The following RBFOX1 variants were observed in gnomAD, a reference collection of about 807,000 sequenced individuals.
RBFOX1 encodes RNA binding protein fox-1 homolog 1.
Under a neutral mutation model 57.7 loss-of-function variants are expected in RBFOX1, and 8 were observed. That is an observed-to-expected ratio of 0.14 (90% CI 0.08 to 0.25). The LOEUF (loss-of-function observed/expected upper bound fraction) is 0.25, where lower values mean the gene tolerates loss of function less well. Among genes scored for constraint, RBFOX1 ranks in the 10% least tolerant of loss-of-function variants. RBFOX1 has a pLI of 1.00. For missense variants in RBFOX1, 611 were observed against 548.5 expected, an observed-to-expected ratio of 1.11 and a Z score of -1.14; for synonymous variants, 326 against 222.4, an observed-to-expected ratio of 1.47 and a Z score of -4.15.
At chr16:7,391,372 A>C (rs1010853385) in intron 4 of RBFOX1, among the ~76,000 whole-genome samples, 1 of 152,178 alleles carries the variant, frequency 6.6e-6, no homozygotes, top group African/African-American at 2.4e-5. Context: ...CTCCAAGGAT[A>C]CCAATTATAG....
intron 4 of RBFOX1, among the ~76,000 whole-genome samples, chr16:7,074,984 A>G (rs1285604675): frequency 1.3e-5 from 2 of 152,176 alleles, no homozygotes; most frequent in East Asian, 3.9e-4. Context: ...GTAGAATCAA[A>G]GGGAAGTCAA....
At chr16:6,993,974 G>C (rs2091901706) in intron 3 of RBFOX1, among the ~76,000 whole-genome samples, 1 of 152,320 alleles carries the variant, frequency 6.6e-6, no homozygotes, top group Middle Eastern at 3.4e-3. Context: ...GCAGGGAAGA[G>C]GGGTGGAGGT....
intron 2 of RBFOX1, among the ~76,000 whole-genome samples, chr16:6,337,833 C>A (rs1209304949): frequency 6.6e-6 from 1 of 152,206 alleles, no homozygotes; most frequent in Admixed American, 6.5e-5. Flanking sequence ...GAGAATCCCT[C>A]CAAAGATATC....
chr16:5,631,515 C>G (rs965114422), intron 3 of RBFOX1, among the ~76,000 whole-genome samples: 3 of 151,600 alleles, frequency 2.0e-5, no homozygotes, highest in African/African-American at 7.3e-5. Context: ...CGAGATCGCA[C>G]CACTGCACTC....
At chr16:7,505,429 G>T (rs982584557) in intron 4 of RBFOX1, among the ~76,000 whole-genome samples, 8 of 152,122 alleles carry the variant, frequency 5.3e-5, no homozygotes, top group African/African-American at 1.7e-4. Flanking sequence ...TGATGCCGTT[G>T]GTTGGGAACT....
intron 3 of RBFOX1, among the ~76,000 whole-genome samples, chr16:6,870,474 A>G (rs567517162): frequency 1.3e-5 from 2 of 152,346 alleles, no homozygotes; most frequent in South Asian, 2.1e-4. Flanking sequence ...GGCTAGCTTC[A>G]CAACAAGGAT....
intron 2 of RBFOX1, among the ~76,000 whole-genome samples, chr16:6,409,277 G>A (rs2093381805): frequency 6.6e-6 from 1 of 152,136 alleles, no homozygotes; most frequent in African/African-American, 2.4e-5. Flanking sequence ...AGCTGGGCAT[G>A]GTGGTGCGCA....
chr16:7,283,996 G>A (rs567168254), intron 4 of RBFOX1, among the ~76,000 whole-genome samples: 4 of 152,318 alleles, frequency 2.6e-5, no homozygotes, highest in South Asian at 2.1e-4. Context: ...TGTCTCTACA[G>A]TGTTGGTGTC....
chr16:5,339,937 C>T (rs1344948947), intron 1 of RBFOX1, among the ~76,000 whole-genome samples: 1 of 151,992 alleles, frequency 6.6e-6, no homozygotes, highest in Middle Eastern at 3.2e-3. Context: ...TTTGGGAGTC[C>T]CATCAGTCTG....
rs187215725 is a variant in RBFOX1, at chr16:5,383,706, G to T, written c.220-83510G>T. On this transcript the variant is annotated intron_variant, in intron 1 of 2. Coordinates refer to the RBFOX1 transcript ENST00000585867. ...ATAAGATGTTTCACACTATGATTTGGGCACTGGGAAAATGAGTTAGACATT... is the reference window on the plus strand; with the variant it reads ...ATAAGATGTTTCACACTATGATTTGTGCACTGGGAAAATGAGTTAGACATT... Among the ~76,000 whole-genome samples the T allele has an allele frequency of 1.7e-4, 26 of 152,284 alleles. No individual in the cohort carries two copies. In the East Asian group the frequency reaches 5.0e-3, roughly 29 times the overall value.
chr16:6,942,523 C>G (rs372337126), intron 3 of RBFOX1, among the ~76,000 whole-genome samples: 3 of 152,208 alleles, frequency 2.0e-5, no homozygotes, highest in African/African-American at 7.2e-5. Flanking sequence ...CCTAGTGAGA[C>G]TATCAGTTAG....
chr16:5,898,261 A>G (rs148607915), intron 4 of RBFOX1, among the ~76,000 whole-genome samples: 9 of 152,266 alleles, frequency 5.9e-5, no homozygotes, highest in African/African-American at 2.2e-4. Flanking sequence ...GGTCCCTTCC[A>G]TGACACGTGG....
intron 2 of RBFOX1, among the ~76,000 whole-genome samples, chr16:6,571,624 G>C (rs1301417810): frequency 1.3e-5 from 2 of 152,138 alleles, no homozygotes; most frequent in South Asian, 2.1e-4. Flanking sequence ...CCTGTAATCA[G>C]CTCATTACAG....
rs2065705975 is a variant in RBFOX1 at position 5,366,064 on chromosome 16, GC to G, written c.220-101151del. The G allele has an allele frequency of 6.3e-6, 3 of 473,852 alleles. No individual in the cohort carries two copies. In the Admixed American group the frequency reaches 6.7e-5, roughly 11 times the overall value. The allele number at this position is 473,852 out of a possible 1,614,324, so 29.4% of individuals were successfully genotyped here. A position where few individuals can be genotyped will look rare whatever the true frequency, so the allele number is the denominator to read the frequency against. Reference sequence around the variant, plus strand: ...CTGTACAGCAATGGTTTCCCTTGGGGCTTTGAAATCATACCACCAGTGCTCT... The same window carrying G: ...CTGTACAGCAATGGTTTCCCTTGGGGTTTGAAATCATACCACCAGTGCTCT... On this transcript the variant is annotated intron_variant, in intron 1 of 2. Transcript: ENST00000585867.
At chr16:6,416,308 C>A (rs1277562460) in intron 2 of RBFOX1, among the ~76,000 whole-genome samples, 2 of 152,170 alleles carry the variant, frequency 1.3e-5, no homozygotes, top group Admixed American at 6.5e-5. Context: ...GGTAAAATCA[C>A]CCGACAGTTT....
chr16:6,862,044 G>C (rs2142671250), intron 3 of RBFOX1, among the ~76,000 whole-genome samples: 1 of 152,118 alleles, frequency 6.6e-6, no homozygotes, highest in East Asian at 1.9e-4. Context: ...AGTCAATACT[G>C]TCAGGAAAAA....
At chr16:7,505,344 G>C (rs2072916881) in intron 4 of RBFOX1, among the ~76,000 whole-genome samples, 2 of 151,952 alleles carry the variant, frequency 1.3e-5, no homozygotes, top group African/African-American at 2.4e-5. Flanking sequence ...GTCATACTTT[G>C]ACAGAGGTTT....
At chr16:6,533,363 G>A (rs772499782) in intron 2 of RBFOX1, among the ~76,000 whole-genome samples, 42 of 152,148 alleles carry the variant, frequency 2.8e-4, no homozygotes, top group Admixed American at 1.1e-3. Context: ...AGGGATGAAG[G>A]TACCATTAGG....
intron 3 of RBFOX1, among the ~76,000 whole-genome samples, chr16:7,051,421 T>C (rs1598147356): frequency 6.6e-6 from 1 of 152,360 alleles, no homozygotes; most frequent in South Asian, 2.1e-4. Context: ...GCAAAGATAA[T>C]TAATGCATGG....
Sources: allele counts gnomAD v4.1 joint callset (sites outside exome capture counted in the v4.1 genomes callset), GRCh38; gene constraint gnomAD v4.1.1; transcripts MANE v1.5; gene names NCBI Gene and HGNC (gene_info 2026-07-23, HGNC 2026-07-21).